Variants in SORBS2 observed in about 807,000 individuals in gnomAD.
The protein encoded by SORBS2 is sorbin and SH3 domain-containing protein 2.
A neutral mutation model predicts 97.7 loss-of-function variants in SORBS2; 46 were observed. That is an observed-to-expected ratio of 0.47 (90% CI 0.37 to 0.60). The LOEUF (loss-of-function observed/expected upper bound fraction) is 0.60. SORBS2 is among the 20% of genes least tolerant of loss of function. The pLI, the probability that SORBS2 is intolerant of heterozygous loss-of-function variation, is 0.00. For missense variants in SORBS2, 1,316 were observed against 1,282.3 expected (o/e 1.03, Z -0.40); for synonymous variants, 476 against 473.4 (o/e 1.01, Z -0.07).
chr4:185,685,173 A>G (rs555988901), intron 2 of SORBS2, among the ~76,000 whole-genome samples: 5 of 152,214 alleles, frequency 3.3e-5, no homozygotes, highest in Non-Finnish European at 7.3e-5. Flanking sequence ...TTTAAATTCA[A>G]TTTATACTAA....
rs28538607 is a variant in SORBS2 at position 185,849,080 on chromosome 4, G to T, written c.-337-73714C>A. Among the ~76,000 whole-genome samples the T allele has an allele frequency of 2.3e-3, 355 of 152,306 alleles. 3 individuals are homozygous for T. The highest frequency in any genetic ancestry group is 8.1e-3 in the African/African-American group (337 of 41,568). On this transcript the variant is annotated intron_variant, in intron 1 of 20. Transcript: ENST00000284776. The stretch of plus-strand genomic sequence containing the variant: ...GACAATGCCCATCAATCACGAGAAT[G>T]ATGTTAGAACCACCTCTTATATAGC...
intron 2 of SORBS2, among the ~76,000 whole-genome samples, chr4:185,734,788 C>T (rs1388602703): frequency 1.3e-5 from 2 of 152,248 alleles, no homozygotes; most frequent in Non-Finnish European, 2.9e-5. Flanking sequence ...CTTCTCCCTA[C>T]TGGGGCTTCA....
At chr4:185,690,780 G>A (rs939540124) in intron 2 of SORBS2, among the ~76,000 whole-genome samples, 169 bp from the exon 4 acceptor site, 16 of 152,268 alleles carry the variant, frequency 1.1e-4, no homozygotes, top group African/African-American at 3.8e-4. Context: ...TTCTGTTCAT[G>A]TTAAACTTTA....
intron 1 of SORBS2, 200 bp from the exon 2 acceptor site, chr4:185,775,566 A>G (rs1244957433): frequency 6.6e-6 from 1 of 152,036 alleles, no homozygotes; most frequent in African/African-American, 2.4e-5. Context: ...GGAAACCCAC[A>G]ACGACTTGGT....
intron 1 of SORBS2, among the ~76,000 whole-genome samples, chr4:185,890,811 T>C (rs2099242099): frequency 1.3e-5 from 2 of 152,190 alleles, no homozygotes; most frequent in Admixed American, 1.3e-4. Flanking sequence ...AGTGGCTCCA[T>C]ATGTGTGGAA....
chr4:185,787,804 T>C (rs1280900976), intron 1 of SORBS2, among the ~76,000 whole-genome samples: 2 of 152,200 alleles, frequency 1.3e-5, no homozygotes, highest in African/African-American at 4.8e-5. Flanking sequence ...AAATAGGGCC[T>C]AGTCTGGAGA....
intron 1 of SORBS2, among the ~76,000 whole-genome samples, chr4:185,886,583 A>C (rs2099239760): frequency 6.6e-6 from 1 of 151,138 alleles, no homozygotes; most frequent in Non-Finnish European, 1.5e-5. Context: ...AGAAAAGAAA[A>C]AAAAAAGAAA....
chr4:185,628,997 C>T (rs1182791626), intron 5 of SORBS2, among the ~76,000 whole-genome samples: 1 of 152,178 alleles, frequency 6.6e-6, no homozygotes, highest in Non-Finnish European at 1.5e-5. Flanking sequence ...GTGATAATAG[C>T]AACAGCAGCA....
chr4:185,945,983 A>G (rs950687532), intron 1 of SORBS2, among the ~76,000 whole-genome samples: 2 of 152,218 alleles, frequency 1.3e-5, no homozygotes, highest in African/African-American at 4.8e-5. Context: ...ATGTTGACAG[A>G]TGGTCAAGAC....
chr4:185,680,652 G>T (rs921626125), intron 2 of SORBS2, among the ~76,000 whole-genome samples: 5 of 152,064 alleles, frequency 3.3e-5, no homozygotes, highest in African/African-American at 1.2e-4. Flanking sequence ...TGCTTGGTTT[G>T]GTAAAACTGA....
At position 185,652,550 on chromosome 4, in the gene SORBS2, C is replaced by T. The variant is rs2097332143; in HGVS notation, c.91+112G>A. The T allele has an allele frequency of 1.1e-4, 90 of 815,326 alleles. 1 individual carries two copies. The South Asian group carries it at 1.3e-3, about 12-fold the overall frequency. The allele number at this position is 815,326 out of a possible 1,614,324, so 50.5% of individuals were successfully genotyped here. On this transcript the variant is annotated intron_variant, in intron 2 of 14. Coordinates refer to ENST00000418609, the Ensembl canonical transcript of SORBS2. ...GGAGGCATGCTGAAAAGAAAGGGGA[C>T]ACGGAGTTTGCTGGGGTCTTGACAT...
At chr4:185,602,730 G>C (rs1056505231) in intron 12 of SORBS2, among the ~76,000 whole-genome samples, 9 of 144,174 alleles carry the variant, frequency 6.2e-5, no homozygotes, top group African/African-American at 8.2e-5. Context: ...AAATAAAAAG[G>C]CTTCGGACTC....
At chr4:185,833,383 C>G (rs1169134605) in intron 1 of SORBS2, among the ~76,000 whole-genome samples, 1 of 152,204 alleles carries the variant, frequency 6.6e-6, no homozygotes, top group Non-Finnish European at 1.5e-5. Context: ...TACATGGTAT[C>G]ATGTACATGG....
chr4:185,745,262 A>G (rs2098752907), intron 2 of SORBS2, among the ~76,000 whole-genome samples: 3 of 152,184 alleles, frequency 2.0e-5, no homozygotes, highest in African/African-American at 7.2e-5. Context: ...CCGAGAGTGC[A>G]TGCCGGTGGT....
At chr4:185,638,851 G>T in intron 4 of SORBS2, 26 bp downstream of exon 14, 1 of 1,430,552 alleles carries the variant, frequency 7.0e-7, no homozygotes, top group South Asian at 1.6e-5. Context: ...CGGGCATGAA[G>T]AAAGGTAAGG....
At chr4:185,702,532 A>G (rs1193089241) in intron 2 of SORBS2, among the ~76,000 whole-genome samples, 6 of 152,224 alleles carry the variant, frequency 3.9e-5, no homozygotes, top group Non-Finnish European at 8.8e-5. Context: ...TCGAATTTCA[A>G]CATGAGATTT....
At chr4:185,690,327 A>C (rs2098069490) in intron 2 of SORBS2, among the ~76,000 whole-genome samples, 1 of 152,220 alleles carries the variant, frequency 6.6e-6, no homozygotes, top group Non-Finnish European at 1.5e-5. Context: ...TAGTTTTAAC[A>C]TGTGATTAGA....
intron 1 of SORBS2, among the ~76,000 whole-genome samples, chr4:185,788,806 T>C (rs983449640): frequency 4.4e-4 from 67 of 152,328 alleles, no homozygotes; most frequent in Middle Eastern, 3.4e-3. Context: ...GGGTTCTAAA[T>C]TGCAGAGCCT....
intron 1 of SORBS2, among the ~76,000 whole-genome samples, chr4:185,875,517 G>A (rs1347064182): frequency 6.6e-6 from 1 of 152,236 alleles, no homozygotes; most frequent in Non-Finnish European, 1.5e-5. Flanking sequence ...GTTTGTTGAA[G>A]CATATAGTTG....
Sources: allele counts gnomAD v4.1 joint callset (sites outside exome capture counted in the v4.1 genomes callset), GRCh38; gene constraint gnomAD v4.1.1; transcripts MANE v1.5; gene names NCBI Gene and HGNC (gene_info 2026-07-23, HGNC 2026-07-21).